The following WDPCP variants were observed in gnomAD, a reference collection of about 807,000 sequenced individuals.
WDPCP encodes the protein WD repeat-containing and planar cell polarity effector protein fritz homolog.
In WDPCP, 71 loss-of-function variants were observed where a neutral mutation model predicts 93.1. The observed-to-expected ratio is 0.76, with a 90% CI of 0.63 to 0.93. The LOEUF (loss-of-function observed/expected upper bound fraction) is 0.93. WDPCP is among the 40% of genes least tolerant of loss of function. The pLI, the probability that WDPCP is intolerant of heterozygous loss-of-function variation, is 0.00. For missense variants in WDPCP, 844 were observed against 887.4 expected, an observed-to-expected ratio of 0.95 and a Z score of 0.62; for synonymous variants, 315 against 315.0, an observed-to-expected ratio of 1.00 and a Z score of 0.00.
intron 1 of WDPCP, among the ~76,000 whole-genome samples, chr2:63,521,354 T>G (rs1702917559): frequency 6.6e-6 from 1 of 152,170 alleles, no homozygotes; most frequent in Non-Finnish European, 1.5e-5. Flanking sequence ...AGTAAAGGGA[T>G]GGAGAAAAAT....
chr2:63,437,399 CTA>C lies in WDPCP; in HGVS notation c.633+20_633+21del. The C allele has an allele frequency of 6.4e-7, 1 of 1,557,872 alleles. No individual in the cohort carries two copies. Among genetic ancestry groups the C allele is most frequent in the Non-Finnish European group, 8.8e-7 (1 of 1,139,472 alleles). On this transcript the variant is annotated intron_variant, in intron 8 of 17. Transcript: ENST00000272321. ...TATACCTTAATAATTAATAATATGA[CTA>C]TATAAATCAAAATCTCTACCTTATA...
At chr2:63,282,760 C>G (rs560001238) in intron 13 of WDPCP, among the ~76,000 whole-genome samples, 2 of 152,182 alleles carry the variant, frequency 1.3e-5, no homozygotes, top group East Asian at 3.9e-4. Context: ...GTATAGTGGT[C>G]CCTCAGTATT....
At chr2:63,654,047 A>G (rs1464902764) in intron 2 of WDPCP, among the ~76,000 whole-genome samples, 2 of 152,206 alleles carry the variant, frequency 1.3e-5, no homozygotes, top group African/African-American at 2.4e-5. Flanking sequence ...TAAAAGACTT[A>G]TCAGAAATAA....
At chr2:63,258,068 GTACT>G (rs1005343364) in intron 14 of WDPCP, among the ~76,000 whole-genome samples, 1 of 152,084 alleles carries the variant, frequency 6.6e-6, no homozygotes, top group Non-Finnish European at 1.5e-5. Flanking sequence ...AATATAAATT[GTACT>G]TACTTCACAG....
At chr2:63,624,796 T>C (rs1489738869) in intron 3 of WDPCP, among the ~76,000 whole-genome samples, 2 of 152,030 alleles carry the variant, frequency 1.3e-5, no homozygotes, top group East Asian at 1.9e-4. Context: ...TTCCAAACAA[T>C]AGAAAAAGAG....
intron 13 of WDPCP, among the ~76,000 whole-genome samples, chr2:63,298,183 C>T (rs563680185): frequency 1.1e-4 from 17 of 152,234 alleles, no homozygotes; most frequent in Admixed American, 1.0e-3. Context: ...GTGGGTGTCA[C>T]GGCCCATAAC....
chr2:63,754,224 A>G lies in WDPCP; in HGVS notation n.308+59398T>C, dbSNP rs138697711. ...AGTTGGCTCCTATCAGTTGATGGCAATTCTCTAGAGAAGAGGGCTAGCTGT... is the reference window on the plus strand; with the variant it reads ...AGTTGGCTCCTATCAGTTGATGGCAGTTCTCTAGAGAAGAGGGCTAGCTGT... On this transcript the variant is annotated intron_variant and non_coding_transcript_variant, in intron 2 of 4. Transcript: ENST00000467687. 9.7e-3 allele frequency among the ~76,000 whole-genome samples: 1,476 copies of G among 152,278 alleles called. 8 individuals are homozygous for G. Among genetic ancestry groups the G allele is most frequent in the Non-Finnish European group, 0.015 (993 of 68,006 alleles).
At chr2:63,255,574 T>C (rs900874550) in intron 14 of WDPCP, among the ~76,000 whole-genome samples, 3 of 152,128 alleles carry the variant, frequency 2.0e-5, no homozygotes, top group Admixed American at 6.6e-5. Flanking sequence ...CTTCCCCTCT[T>C]ACCATGTGAT....
intron 14 of WDPCP, chr2:63,228,517 G>A (rs1678512187): frequency 6.6e-6 from 1 of 150,660 alleles, no homozygotes; most frequent in Non-Finnish European, 1.5e-5. Context: ...GTGCCATGGT[G>A]GTGTGCTGCA....
intron 6 of WDPCP, among the ~76,000 whole-genome samples, chr2:63,451,106 A>C (rs1194610311): frequency 6.6e-6 from 1 of 152,066 alleles, no homozygotes; most frequent in Non-Finnish European, 1.5e-5. Flanking sequence ...AAATAAGAAA[A>C]AGAATTCAAG....
At chr2:63,356,261 C>A (rs1325879682) in intron 12 of WDPCP, among the ~76,000 whole-genome samples, 1 of 152,156 alleles carries the variant, frequency 6.6e-6, no homozygotes, top group East Asian at 1.9e-4. Flanking sequence ...AACACAGGAG[C>A]CTTCAGATTC....
In WDPCP at chr2:63,588,378, G is replaced by GCCA; in HGVS notation, c.-110_-108dup. ...GGGTCTCCAGGACGCCGCCGCCGCCGCCACAGTTTCCTCAGGTGCTACAAA... is the reference window on the plus strand; with the variant it reads ...GGGTCTCCAGGACGCCGCCGCCGCCGCCACCACAGTTTCCTCAGGTGCTACAAA... On this transcript the variant is annotated 5_prime_UTR_variant, in exon 1 of 18. Coordinates refer to ENST00000272321, the MANE Select transcript of WDPCP (RefSeq NM_015910.7). The GCCA allele has an allele frequency of 7.6e-7, 1 of 1,314,904 alleles. No individual in the cohort carries two copies. The highest frequency in any genetic ancestry group is 1.1e-6 in the Non-Finnish European group (1 of 931,648). The allele number at this position is 1,314,904 out of a possible 1,614,324, so 81.5% of individuals were successfully genotyped here.
At chr2:63,467,744 C>G (rs1421255445) in intron 6 of WDPCP, among the ~76,000 whole-genome samples, 1 of 146,552 alleles carries the variant, frequency 6.8e-6, no homozygotes, top group Non-Finnish European at 1.5e-5. Flanking sequence ...CCACTGCACT[C>G]CAGCCTGGGC....
intron 1 of WDPCP, among the ~76,000 whole-genome samples, chr2:63,822,048 G>C (rs1456794782): frequency 6.6e-6 from 1 of 152,094 alleles, no homozygotes; most frequent in Non-Finnish European, 1.5e-5. Flanking sequence ...TGGGGTTTGT[G>C]AATCAATCAA....
At chr2:63,576,803 A>G (rs2106524535) in intron 1 of WDPCP, among the ~76,000 whole-genome samples, 1 of 152,306 alleles carries the variant, frequency 6.6e-6, no homozygotes, top group East Asian at 1.9e-4. Flanking sequence ...AGAGATTCCA[A>G]GGGTTTGGGT....
At chr2:63,765,733 T>C (rs1231534305) in intron 2 of WDPCP, among the ~76,000 whole-genome samples, 1 of 152,232 alleles carries the variant, frequency 6.6e-6, no homozygotes, top group Non-Finnish European at 1.5e-5. Flanking sequence ...CATGTGGTAC[T>C]GACAGGGTTG....
intron 15 of WDPCP, among the ~76,000 whole-genome samples, chr2:63,159,164 A>AT (rs1672479763): frequency 6.8e-6 from 1 of 147,752 alleles, no homozygotes; most frequent in Non-Finnish European, 1.5e-5. Flanking sequence ...TCAAAAAAAA[A>AT]CTTTTTTTTT....
At chr2:63,680,786 T>C (rs1359444221) in intron 2 of WDPCP, among the ~76,000 whole-genome samples, 1 of 152,162 alleles carries the variant, frequency 6.6e-6, no homozygotes. Context: ...CAACTCCTTC[T>C]TCTTTCTACT....
At chr2:63,790,701 G>C (rs1670531851) in intron 2 of WDPCP, among the ~76,000 whole-genome samples, 1 of 152,148 alleles carries the variant, frequency 6.6e-6, no homozygotes, top group African/African-American at 2.4e-5. Context: ...AACTGATGAT[G>C]AAATAAAGGA....
Sources: allele counts gnomAD v4.1 joint callset (sites outside exome capture counted in the v4.1 genomes callset), GRCh38; gene constraint gnomAD v4.1.1; transcripts MANE v1.5; gene names NCBI Gene and HGNC (gene_info 2026-07-23, HGNC 2026-07-21).